The following TRPM3 variants were observed in gnomAD, a reference collection of about 807,000 sequenced individuals.
TRPM3 encodes the protein transient receptor potential cation channel subfamily M member 3.
A neutral mutation model predicts 181.2 loss-of-function variants in TRPM3; 77 were observed. That is an observed-to-expected ratio of 0.42 (90% CI 0.35 to 0.51). TRPM3 has a LOEUF of 0.51. Among genes scored for constraint, TRPM3 ranks in the 20% least tolerant of loss-of-function variants. The pLI is 0.01. For synonymous variants in TRPM3, 745 were observed against 796.4 expected (o/e 0.94, Z 1.09); for missense variants, 1,759 against 2,196.7 (o/e 0.80, Z 3.98).
chr9:70,828,778 T>C (rs2093714619), intron 5 of TRPM3, among the ~76,000 whole-genome samples: 1 of 151,528 alleles, frequency 6.6e-6, no homozygotes, highest in Non-Finnish European at 1.5e-5. Context: ...CTATATTCCT[T>C]GCGACGATCC....
At chr9:70,564,936 C>G (rs1270719326) in intron 22 of TRPM3, among the ~76,000 whole-genome samples, 1 of 152,170 alleles carries the variant, frequency 6.6e-6, no homozygotes, top group African/African-American at 2.4e-5. Context: ...GGTTCAGGCT[C>G]GAATCTCTCT....
At chr9:71,064,751 G>A (rs2061710852) in intron 1 of TRPM3, among the ~76,000 whole-genome samples, 1 of 152,088 alleles carries the variant, frequency 6.6e-6, no homozygotes, top group African/African-American at 2.4e-5. Context: ...ATGACTTCAT[G>A]TTCCTTGCTT....
intron 1 of TRPM3, among the ~76,000 whole-genome samples, chr9:71,270,542 A>C (rs2083712462): frequency 6.6e-6 from 1 of 152,180 alleles, no homozygotes; most frequent in African/African-American, 2.4e-5. Flanking sequence ...TCAGTGTCAT[A>C]GAAACTGCTG....
In TRPM3 at chr9:71,175,313, T is replaced by TTCTA. The variant is rs376358017; in HGVS notation, c.183+271336_183+271339dup. ...CTGTAATAGGCTACGATAGGCCTAA[T>TTCTA]TCTACCCTTTCCTCCCTTCAAGAGG... On this transcript the variant is annotated intron_variant, in intron 1 of 24. Transcript: ENST00000357533. Among the ~76,000 whole-genome samples the TTCTA allele has an allele frequency of 5.6e-3, 849 of 152,314 alleles. 13 individuals carry two copies. Among genetic ancestry groups the TTCTA allele is most frequent in the African/African-American group, 0.019 (806 of 41,576 alleles).
intron 1 of TRPM3, among the ~76,000 whole-genome samples, chr9:71,033,287 A>G (rs2057766943): frequency 6.6e-6 from 1 of 152,258 alleles, no homozygotes; most frequent in Non-Finnish European, 1.5e-5. Flanking sequence ...TCCCTGGGAC[A>G]CGGCTGCTTT....
chr9:71,152,079 G>C (rs1229292825), intron 1 of TRPM3, among the ~76,000 whole-genome samples: 1 of 152,024 alleles, frequency 6.6e-6, no homozygotes, highest in Non-Finnish European at 1.5e-5. Context: ...TTTAAAATCT[G>C]GACATATGTT....
chr9:70,568,104 T>C (rs2132112953), intron 22 of TRPM3, among the ~76,000 whole-genome samples: 1 of 152,310 alleles, frequency 6.6e-6, no homozygotes, highest in Middle Eastern at 3.4e-3. Context: ...TACAATAAAA[T>C]ATATGTGTAA....
chr9:70,981,938 A>C (rs2097368620), intron 1 of TRPM3, among the ~76,000 whole-genome samples: 1 of 152,172 alleles, frequency 6.6e-6, no homozygotes, highest in Non-Finnish European at 1.5e-5. Context: ...GGTTTATAAA[A>C]TGTTCTCGAG....
chr9:71,365,479 A>G (rs1361121288), intron 1 of TRPM3, among the ~76,000 whole-genome samples: 2 of 152,178 alleles, frequency 1.3e-5, no homozygotes, highest in African/African-American at 4.8e-5. Flanking sequence ...AGTTCCCCAA[A>G]TATAAACATA....
intron 1 of TRPM3, among the ~76,000 whole-genome samples, chr9:70,877,738 A>G (rs1051944813): frequency 6.6e-6 from 1 of 151,594 alleles, no homozygotes; most frequent in African/African-American, 2.4e-5. Context: ...GTAGAAAACT[A>G]ACTTCTTTCT....
intron 1 of TRPM3, among the ~76,000 whole-genome samples, chr9:71,154,411 A>G (rs547649732): frequency 2.6e-5 from 4 of 152,248 alleles, no homozygotes; most frequent in African/African-American, 9.6e-5. Flanking sequence ...CAGATATAAA[A>G]TGAGATAACT....
intron 1 of TRPM3, among the ~76,000 whole-genome samples, chr9:71,259,738 G>T (rs555412172): frequency 5.9e-5 from 9 of 152,190 alleles, no homozygotes; most frequent in African/African-American, 2.2e-4. Context: ...TTTTGATGGG[G>T]TTGTTTGTTT....
At chr9:71,325,018 CA>C (rs935929142) in intron 1 of TRPM3, among the ~76,000 whole-genome samples, 10 of 151,896 alleles carry the variant, frequency 6.6e-5, no homozygotes, top group African/African-American at 2.4e-4. Flanking sequence ...GAAATAAACT[CA>C]ATGTTTGAAA....
intron 1 of TRPM3, among the ~76,000 whole-genome samples, chr9:70,997,802 T>A (rs969666857): frequency 6.6e-6 from 1 of 152,138 alleles, no homozygotes; most frequent in African/African-American, 2.4e-5. Context: ...AATTTCACCT[T>A]TTTTTGCATG....
intron 1 of TRPM3, among the ~76,000 whole-genome samples, chr9:70,957,194 C>T (rs887987536): frequency 4.6e-5 from 7 of 152,024 alleles, no homozygotes; most frequent in African/African-American, 1.7e-4. Context: ...AAACTCCTGA[C>T]CTCAAATGAT....
intron 1 of TRPM3, among the ~76,000 whole-genome samples, chr9:71,140,022 T>C (rs1304687960): frequency 6.6e-6 from 1 of 152,154 alleles, no homozygotes; most frequent in Non-Finnish European, 1.5e-5. Flanking sequence ...ATGCTGTTAT[T>C]TGAGGAGGTG....
rs2077168048 is a variant in TRPM3, at chr9:71,177,533, CAG to C, written c.183+269118_183+269119del. Among the ~76,000 whole-genome samples, 3 of 152,234 alleles carry C rather than the reference CAG, an allele frequency of 2.0e-5. No individual in the cohort carries two copies. The South Asian group carries it at 6.2e-4, about 32-fold the overall frequency. On this transcript the variant is annotated intron_variant, in intron 1 of 24. Transcript: ENST00000357533. The stretch of plus-strand genomic sequence containing the variant: ...ATTGCCCAAGGATGCATGCATTTCT[CAG>C]AATGTATTCTCATCGTTAAATGACC...
At chr9:71,074,178 T>A (rs151173750) in intron 1 of TRPM3, among the ~76,000 whole-genome samples, 11 of 152,312 alleles carry the variant, frequency 7.2e-5, no homozygotes, top group Admixed American at 6.5e-4. Context: ...TATATGGTTA[T>A]CTCTTATTTA....
intron 1 of TRPM3, among the ~76,000 whole-genome samples, chr9:71,011,927 C>G (rs1020551153): frequency 2.6e-5 from 4 of 151,842 alleles, no homozygotes; most frequent in African/African-American, 7.3e-5. Flanking sequence ...ACTACAGGTG[C>G]ACACCACCAT....
Sources: gnomAD v4.1 joint callset for allele counts (sites outside exome capture counted in the v4.1 genomes callset) on GRCh38, gnomAD v4.1.1 for gene constraint, MANE v1.5 for transcripts, NCBI Gene and HGNC (gene_info 2026-07-23, HGNC 2026-07-21) for gene names.